Variants in GALNT13 observed in about 807,000 individuals in gnomAD.
GALNT13 encodes UDP-GalNAc:polypeptide N-acetylgalactosaminyltransferase 13.
Under a neutral mutation model 64.2 loss-of-function variants are expected in GALNT13, and 28 were observed. That is an observed-to-expected ratio of 0.44 (90% CI 0.32 to 0.60). The LOEUF is 0.60. Among genes scored for constraint, GALNT13 ranks in the 20% least tolerant of loss-of-function variants. The pLI is 0.05. For missense variants in GALNT13, 577 were observed against 669.8 expected (o/e 0.86, Z 1.53); for synonymous variants, 214 against 224.6 (o/e 0.95, Z 0.42).
the GALNT13 span, among the ~76,000 whole-genome samples, chr2:153,552,525 G>C: frequency 6.9e-6 from 1 of 145,790 alleles, no homozygotes; most frequent in African/African-American, 2.5e-5. Context: ...AGGTAGGTGA[G>C]TAATTGTGGA....
the GALNT13 span, among the ~76,000 whole-genome samples, chr2:153,251,377 A>G: frequency 6.6e-6 from 1 of 152,146 alleles, no homozygotes; most frequent in South Asian, 2.1e-4. Context: ...CTTTTCATCC[A>G]TAGACAATTG....
At chr2:153,881,683 C>T (rs1686795527) in intron 1 of GALNT13, among the ~76,000 whole-genome samples, 1 of 152,126 alleles carries the variant, frequency 6.6e-6, no homozygotes, top group African/African-American at 2.4e-5. Flanking sequence ...AACTAACTTC[C>T]ACAAATGTAA....
At position 154,097,600 on chromosome 2, in the gene GALNT13, C is replaced by T. The variant is rs115925177; in HGVS notation, c.143-42737C>T. Among the ~76,000 whole-genome samples the T allele has an allele frequency of 7.1e-3, 1,078 of 151,734 alleles. 10 individuals carry two copies. Among genetic ancestry groups the T allele is most frequent in the African/African-American group, 0.024 (978 of 41,406 alleles). ...AATGATTTAATTATGACACTTCATCCGATAATGCAGTACTCATAATTTTTA... is the reference window on the plus strand; with the variant it reads ...AATGATTTAATTATGACACTTCATCTGATAATGCAGTACTCATAATTTTTA... On this transcript the variant is annotated intron_variant, in intron 3 of 12. Transcript: ENST00000392825.
At chr2:153,499,334 T>TA in the GALNT13 span, among the ~76,000 whole-genome samples, 9 of 152,284 alleles carry the variant, frequency 5.9e-5, no homozygotes, top group East Asian at 1.9e-4. Flanking sequence ...CTGGGATTTT[T>TA]ATGGGCTTAG....
At chr2:153,664,989 T>C in the GALNT13 span, among the ~76,000 whole-genome samples, 1 of 152,252 alleles carries the variant, frequency 6.6e-6, no homozygotes, top group Admixed American at 6.5e-5. Flanking sequence ...CAATAGTAAC[T>C]AGAACAAAAA....
the GALNT13 span, among the ~76,000 whole-genome samples, chr2:153,543,310 G>A: frequency 6.6e-6 from 1 of 152,132 alleles, no homozygotes; most frequent in Non-Finnish European, 1.5e-5. Context: ...TGTGTTTATT[G>A]TACCTGCCTA....
chr2:154,155,177 A>G lies in GALNT13; in HGVS notation c.311+14672A>G, dbSNP rs937687125. Among the ~76,000 whole-genome samples the G allele has an allele frequency of 2.6e-5, 4 of 152,176 alleles. No homozygotes were observed. In the East Asian group the frequency reaches 7.7e-4, roughly 29 times the overall value. On this transcript the variant is annotated intron_variant, in intron 4 of 12. Coordinates refer to ENST00000392825, the MANE Select transcript of GALNT13 (RefSeq NM_052917.4). ...ATGTGTACCAGAGATCAGAAATTCA[A>G]TTAATATTCTCACTTCTATTTCATC... is the stretch of plus-strand genomic sequence containing the variant.
At chr2:154,354,405 CTTTTTTTTTTTTTTTTTTTTTTTTT>C (rs546187850) in intron 9 of GALNT13, among the ~76,000 whole-genome samples, 4 of 60,360 alleles carry the variant, frequency 6.6e-5, no homozygotes, top group Non-Finnish European at 1.2e-4. Flanking sequence ...TGATGTAGTC[CTTTTTTTTTTTTTTTTTTTTTTTTT>C]TTTTTTTTTT....
chr2:153,960,380 A>G (rs1014722377), intron 3 of GALNT13, among the ~76,000 whole-genome samples: 17 of 152,208 alleles, frequency 1.1e-4, no homozygotes, highest in African/African-American at 3.9e-4. Context: ...CCAGGAAACA[A>G]TTCAAGGGCA....
At chr2:153,582,918 A>T in the GALNT13 span, among the ~76,000 whole-genome samples, 1 of 152,192 alleles carries the variant, frequency 6.6e-6, no homozygotes, top group South Asian at 2.1e-4. Flanking sequence ...GTTTTTTAGG[A>T]TCATTCATTT....
At chr2:153,687,013 C>G in the GALNT13 span, among the ~76,000 whole-genome samples, 3 of 151,650 alleles carry the variant, frequency 2.0e-5, no homozygotes, top group Non-Finnish European at 4.4e-5. Flanking sequence ...GTGGATAAGC[C>G]TTTTGATGGG....
the GALNT13 span, among the ~76,000 whole-genome samples, chr2:153,122,644 C>T: frequency 2.6e-5 from 4 of 152,104 alleles, no homozygotes; most frequent in Admixed American, 2.6e-4. Context: ...CAGAGCTTGC[C>T]AAATTGTGGT....
At chr2:153,159,554 G>T in the GALNT13 span, 4 of 152,888 alleles carry the variant, frequency 2.6e-5, no homozygotes, top group Non-Finnish European at 4.4e-5. Flanking sequence ...CTCTGTGCAG[G>T]TTATGATGTG....
At chr2:153,122,335 AT>A in the GALNT13 span, among the ~76,000 whole-genome samples, 1 of 152,034 alleles carries the variant, frequency 6.6e-6, no homozygotes, top group Non-Finnish European at 1.5e-5. Flanking sequence ...TTTTGTTGCT[AT>A]TTTTTATCCC....
chr2:153,116,951 C>G, the GALNT13 span, among the ~76,000 whole-genome samples: 1 of 151,758 alleles, frequency 6.6e-6, no homozygotes, highest in Non-Finnish European at 1.5e-5. Context: ...AGGCGCCCGC[C>G]ACCACGCCCG....
chr2:153,378,311 A>ATAAT, the GALNT13 span, among the ~76,000 whole-genome samples: 13 of 127,502 alleles, frequency 1.0e-4, no homozygotes, highest in African/African-American at 3.7e-4. Context: ...TAGATAGATA[A>ATAAT]TTTTTTTTTT....
chr2:154,134,989 A>C (rs796464654), intron 3 of GALNT13, among the ~76,000 whole-genome samples: 10 of 152,332 alleles, frequency 6.6e-5, no homozygotes, highest in African/African-American at 2.4e-4. Flanking sequence ...CCGTCTCAAA[A>C]AACAAACAAA....
intron 4 of GALNT13, among the ~76,000 whole-genome samples, chr2:154,225,734 A>T (rs761729846): frequency 6.6e-6 from 1 of 152,080 alleles, no homozygotes; most frequent in Non-Finnish European, 1.5e-5. Context: ...CCAAAGATAC[A>T]GGGGAAGTTT....
At chr2:153,520,770 G>A in the GALNT13 span, among the ~76,000 whole-genome samples, 1 of 151,858 alleles carries the variant, frequency 6.6e-6, no homozygotes, top group East Asian at 1.9e-4. Context: ...CCCTTTTAGT[G>A]GTACATTATT....
Sources: gnomAD v4.1 joint callset for allele counts (sites outside exome capture counted in the v4.1 genomes callset) on GRCh38, gnomAD v4.1.1 for gene constraint, MANE v1.5 for transcripts, NCBI Gene and HGNC (gene_info 2026-07-23, HGNC 2026-07-21) for gene names.